The following PLGRKT variants were observed in gnomAD, a reference collection of about 807,000 sequenced individuals.
PLGRKT encodes plasminogen receptor (KT).
PLGRKT carries 22 observed loss-of-function variants against 18.5 expected under a neutral mutation model. The observed-to-expected ratio is 1.19, with a 90% confidence interval of 0.85 to 1.70. The LOEUF (loss-of-function observed/expected upper bound fraction) is 1.70. Ranked by LOEUF, PLGRKT falls within the 40% of genes most tolerant of loss-of-function variation. The pLI, the probability that PLGRKT is intolerant of heterozygous loss-of-function variation, is 0.00. For synonymous variants in PLGRKT, 72 were observed against 52.8 expected, an observed-to-expected ratio of 1.36 and a Z score of -1.58; for missense variants, 235 against 174.4, an observed-to-expected ratio of 1.35 and a Z score of -1.96.
At chr9:5,393,679 C>A (rs1817991091) in intron 3 of PLGRKT, among the ~76,000 whole-genome samples, 1 of 151,666 alleles carries the variant, frequency 6.6e-6, no homozygotes, top group Non-Finnish European at 1.5e-5. Flanking sequence ...AATTCTCTTA[C>A]TAGTTTGTAG....
intron 3 of PLGRKT, among the ~76,000 whole-genome samples, chr9:5,415,183 T>C (rs1818435798): frequency 6.6e-6 from 1 of 152,170 alleles, no homozygotes; most frequent in African/African-American, 2.4e-5. Flanking sequence ...CAAAAAAGGA[T>C]GGGTTCTATT....
chr9:5,405,444 G>A (rs1002661827), intron 3 of PLGRKT, among the ~76,000 whole-genome samples: 5 of 151,960 alleles, frequency 3.3e-5, no homozygotes, highest in Non-Finnish European at 7.4e-5. Flanking sequence ...TACATAACTC[G>A]GAAATGAAAC....
At chr9:5,358,760 T>C (rs908378238) in intron 5 of PLGRKT, among the ~76,000 whole-genome samples, 1 of 152,208 alleles carries the variant, frequency 6.6e-6, no homozygotes, top group African/African-American at 2.4e-5. Context: ...AATTCTAATT[T>C]TTCAGAAAAG....
chr9:5,429,261 A>G (rs954107938), intron 3 of PLGRKT, among the ~76,000 whole-genome samples: 8 of 152,210 alleles, frequency 5.3e-5, no homozygotes, highest in Non-Finnish European at 1.2e-4. Flanking sequence ...AGGTGGTCTA[A>G]TAGAAACATA....
chr9:5,400,493 T>C (rs1363570562), intron 3 of PLGRKT, among the ~76,000 whole-genome samples: 1 of 151,928 alleles, frequency 6.6e-6, no homozygotes, highest in Non-Finnish European at 1.5e-5. Context: ...TAATTTGTCT[T>C]TGGTAAATAT....
At chr9:5,436,235 C>G (rs571636873) in intron 2 of PLGRKT, among the ~76,000 whole-genome samples, 48 of 152,342 alleles carry the variant, frequency 3.2e-4, no homozygotes, top group African/African-American at 1.1e-3. Context: ...GAGATATTAT[C>G]CATCTTGATA....
At chr9:5,434,072 C>A (rs1401597085) in intron 2 of PLGRKT, among the ~76,000 whole-genome samples, 4 of 147,378 alleles carry the variant, frequency 2.7e-5, no homozygotes, top group Non-Finnish European at 6.0e-5. Context: ...GCCGCCCCAT[C>A]TGGGAAGTGA....
At chr9:5,375,522 T>C (rs1350085179) in intron 3 of PLGRKT, among the ~76,000 whole-genome samples, 1 of 152,156 alleles carries the variant, frequency 6.6e-6, no homozygotes, top group Admixed American at 6.5e-5. Flanking sequence ...ATGTAAAATT[T>C]TGAAACTGCT....
chr9:5,424,592 AC>A (rs1400025216), intron 3 of PLGRKT, among the ~76,000 whole-genome samples: 6 of 132,318 alleles, frequency 4.5e-5, no homozygotes, highest in Admixed American at 2.5e-4. Flanking sequence ...ATTATATTAT[AC>A]AGTAATATAA....
In PLGRKT at chr9:5,361,779, G is replaced by T. The variant is rs1336563507; in HGVS notation, c.191C>A (p.Ala64Glu). 1 of 1,612,400 alleles carries T rather than the reference G, an allele frequency of 6.2e-7. No individual in the cohort carries two copies. The highest frequency in any genetic ancestry group is 2.2e-5 in the East Asian group (1 of 44,852). ...ATACCCAGCTGTTAAAGAGATGGCT[G>T]CAAGGCCAAAAAAAGTTCCAAAATA... ...LKYFGTFFGL[A>E]AISLTAGAIK... is the part of the protein sequence containing the mutation. The change falls in exon 4 of 6, where the codon GCA becomes GAA. Residue 64 changes from alanine (A) to glutamate (E), a missense_variant. Transcript: ENST00000223864.
intron 3 of PLGRKT, among the ~76,000 whole-genome samples, chr9:5,383,448 G>A (rs1817783372): frequency 6.6e-6 from 1 of 152,120 alleles, no homozygotes. Context: ...ATTTTTCCAT[G>A]GACCAGGTTG....
chr9:5,393,429 TA>T (rs1296734453), intron 3 of PLGRKT, among the ~76,000 whole-genome samples: 23 of 152,064 alleles, frequency 1.5e-4, no homozygotes, highest in African/African-American at 5.1e-4. Context: ...AATGATGCTG[TA>T]AAACCCCAAT....
At chr9:5,403,353 A>G (rs1303377319) in intron 3 of PLGRKT, among the ~76,000 whole-genome samples, 1 of 151,140 alleles carries the variant, frequency 6.6e-6, no homozygotes, top group Non-Finnish European at 1.5e-5. Flanking sequence ...CCTCCTGAGT[A>G]GCTGGGATTA....
chr9:5,385,642 G>T (rs10815201), intron 3 of PLGRKT, among the ~76,000 whole-genome samples: 36,947 of 151,532 alleles, frequency 0.24, 4,725 homozygotes, highest in South Asian at 0.28. Context: ...AGGAAGAACA[G>T]GGTCTGCTGT....
chr9:5,365,953 G>C (rs1817376060), intron 3 of PLGRKT, among the ~76,000 whole-genome samples: 1 of 152,244 alleles, frequency 6.6e-6, no homozygotes, highest in East Asian at 1.9e-4. Context: ...TTGTGTATCT[G>C]TGATAAACTA....
intron 3 of PLGRKT, among the ~76,000 whole-genome samples, chr9:5,405,920 C>T (rs771274922): frequency 6.6e-6 from 1 of 151,922 alleles, no homozygotes; most frequent in East Asian, 1.9e-4. Flanking sequence ...AAGAAAAAAA[C>T]AAACAATCCC....
intron 3 of PLGRKT, among the ~76,000 whole-genome samples, chr9:5,399,444 T>A (rs1818114492): frequency 6.6e-6 from 1 of 151,706 alleles, no homozygotes; most frequent in Non-Finnish European, 1.5e-5. Context: ...AATAGGCAGA[T>A]TTTTTTTCCC....
At chr9:5,375,201 T>C (rs975298455) in intron 3 of PLGRKT, among the ~76,000 whole-genome samples, 3 of 152,252 alleles carry the variant, frequency 2.0e-5, no homozygotes, top group African/African-American at 7.2e-5. Flanking sequence ...TTATGAGTTG[T>C]TTAGTCACAC....
chr9:5,422,615 G>C (rs1818599305), intron 3 of PLGRKT, among the ~76,000 whole-genome samples: 1 of 152,166 alleles, frequency 6.6e-6, no homozygotes. Flanking sequence ...AAACACAACT[G>C]TAAAAGACAC....
Sources: gnomAD v4.1 joint callset for allele counts (sites outside exome capture counted in the v4.1 genomes callset) on GRCh38, gnomAD v4.1.1 for gene constraint, MANE v1.5 for transcripts, NCBI Gene and HGNC (gene_info 2026-07-23, HGNC 2026-07-21) for gene names.